The following MAP3K1 variants were observed in gnomAD, a reference collection of about 807,000 sequenced individuals.
MAP3K1 encodes mitogen-activated protein kinase kinase kinase 1.
MAP3K1 carries 36 observed loss-of-function variants against 144.2 expected under a neutral mutation model. That is an observed-to-expected ratio of 0.25 (90% CI 0.19 to 0.33). MAP3K1 has a LOEUF of 0.33. Among genes scored for constraint, MAP3K1 ranks in the 10% least tolerant of loss-of-function variants. MAP3K1 has a pLI of 1.00. For missense variants in MAP3K1, 1,650 were observed against 1,881.9 expected (o/e 0.88, Z 2.28); for synonymous variants, 718 against 688.7 (o/e 1.04, Z -0.67).
intron 1 of MAP3K1, among the ~76,000 whole-genome samples, chr5:56,831,634 T>G (rs569076382): frequency 3.4e-4 from 52 of 152,232 alleles, no homozygotes; most frequent in Non-Finnish European, 7.2e-4. Flanking sequence ...ACATTAAACA[T>G]TAATCCTTTT....
chr5:56,872,126 T>G (rs1437292804), intron 7 of MAP3K1, 95 bp downstream of exon 7: 11 of 1,517,158 alleles, frequency 7.3e-6, no homozygotes, highest in Middle Eastern at 3.4e-4. Flanking sequence ...GAGGGGAAAT[T>G]GGTGAGAGAA....
chr5:56,824,661 ATC>A (rs1746255086), intron 1 of MAP3K1, among the ~76,000 whole-genome samples: 1 of 152,242 alleles, frequency 6.6e-6, no homozygotes, highest in Non-Finnish European at 1.5e-5. Flanking sequence ...GAAAATTACT[ATC>A]CAAGATAGTT....
At chr5:56,818,200 C>T (rs897188110) in intron 1 of MAP3K1, among the ~76,000 whole-genome samples, 2 of 151,524 alleles carry the variant, frequency 1.3e-5, no homozygotes, top group African/African-American at 4.9e-5. Flanking sequence ...TGAATCTGTT[C>T]GTATAAAACT....
chr5:56,849,475 T>C (rs1233297904), intron 1 of MAP3K1, among the ~76,000 whole-genome samples: 1 of 152,218 alleles, frequency 6.6e-6, no homozygotes, highest in East Asian at 1.9e-4. Flanking sequence ...GTGCCGTCTT[T>C]AGTCCTCAGG....
At chr5:56,857,214 A>G (rs10057148) in intron 2 of MAP3K1, among the ~76,000 whole-genome samples, 5,995 of 152,240 alleles carry the variant, frequency 0.039, 417 homozygotes, top group African/African-American at 0.14. Context: ...CGTTTCTCCA[A>G]CTTTGTTACA....
chr5:56,816,000 CCCGGGGAGAAG>C lies in MAP3K1; in HGVS notation c.429_439del (p.Glu145AlafsTer15). The C allele has an allele frequency of 8.1e-7, 1 of 1,230,714 alleles. No individual in the cohort carries two copies. The highest frequency in any genetic ancestry group is 1.0e-6 in the Non-Finnish European group (1 of 988,276). 76.2% of individuals were successfully genotyped at this position (1,230,714 alleles called of 1,614,324 possible). A position where few individuals can be genotyped will look rare whatever the true frequency, so the allele number is the denominator to read the frequency against. ...CGCCTCGAGTCCCGCAGCGGCCGAG[CCCGGGGAGAAG>C]CGGGCGCCCGCCGCCGAGCCGTCTC... On this transcript the variant is annotated frameshift_variant, in exon 1 of 20. Coordinates refer to ENST00000399503, the MANE Select transcript of MAP3K1 (RefSeq NM_005921.2). LOFTEE classifies it high-confidence loss of function.
chr5:56,872,253 A>G (rs542641706), intron 7 of MAP3K1, among the ~76,000 whole-genome samples: 1 of 152,338 alleles, frequency 6.6e-6, no homozygotes, highest in East Asian at 1.9e-4. Context: ...TGTGTGTGAC[A>G]TATGTGATAA....
At chr5:56,840,065 G>T (rs1436431696) in intron 1 of MAP3K1, among the ~76,000 whole-genome samples, 1 of 152,212 alleles carries the variant, frequency 6.6e-6, no homozygotes, top group Non-Finnish European at 1.5e-5. Context: ...GGTAAAGTTG[G>T]TTTTAAAGTC....
At chr5:56,877,461 TCTTATCTCCC>T (rs1422370535) in intron 10 of MAP3K1, among the ~76,000 whole-genome samples, 1 of 151,894 alleles carries the variant, frequency 6.6e-6, no homozygotes, top group Non-Finnish European at 1.5e-5. Context: ...TTTCCCTTTC[TCTTATCTCCC>T]CTTCCTCTGT....
rs1216653052 is a variant in MAP3K1 at position 56,881,222 on chromosome 5, T to C, written c.2319T>C (p.Tyr773=). ...TGTTGGAATTTCCTGCTGAATTTTA[T>C]CCTCATATTGTCAGTACTGATGTTT... ...RLLLEFPAEF[Y]PHIVSTDVSQ... Residue 773 remains tyrosine, a synonymous_variant, in exon 13 of 20, where the codon TAT becomes TAC. Coordinates refer to ENST00000399503, the MANE Select transcript of MAP3K1 (RefSeq NM_005921.2). 59 of 1,613,716 alleles carry C rather than the reference T, an allele frequency of 3.7e-5. No individual in the cohort carries two copies. The highest frequency in any genetic ancestry group is 5.0e-5 in the Non-Finnish European group (59 of 1,179,940).
chr5:56,854,096 C>T (rs1747259683), intron 1 of MAP3K1, among the ~76,000 whole-genome samples: 1 of 151,970 alleles, frequency 6.6e-6, no homozygotes, highest in Non-Finnish European at 1.5e-5. Context: ...TATCAAAAGT[C>T]TTCATTTGTG....
chr5:56,865,784 A>T (rs2111893665), intron 5 of MAP3K1, 45 bp from the exon 6 acceptor site: 2 of 1,600,480 alleles, frequency 1.2e-6, no homozygotes, highest in Middle Eastern at 3.3e-4. Flanking sequence ...TCATATGTAT[A>T]ATTATGGCAC....
chr5:56,834,835 G>A (rs1746597981), intron 1 of MAP3K1, among the ~76,000 whole-genome samples: 1 of 151,968 alleles, frequency 6.6e-6, no homozygotes, highest in African/African-American at 2.4e-5. Context: ...AAATGATTTT[G>A]TTGTGTATAT....
At chr5:56,869,411 G>C (rs1747783272) in intron 6 of MAP3K1, among the ~76,000 whole-genome samples, 1 of 152,088 alleles carries the variant, frequency 6.6e-6, no homozygotes, top group African/African-American at 2.4e-5. Flanking sequence ...CAGCGTGAAG[G>C]CATTTAATAC....
At chr5:56,864,575 A>G (rs1213833071) in intron 3 of MAP3K1, among the ~76,000 whole-genome samples, 159 bp from the exon 4 acceptor site, 1 of 152,084 alleles carries the variant, frequency 6.6e-6, no homozygotes, top group Non-Finnish European at 1.5e-5. Context: ...GGGTTTCACC[A>G]TGTTAACCCG....
intron 18 of MAP3K1, chr5:56,887,920 C>A: frequency 2.2e-6 from 1 of 455,870 alleles, no homozygotes; most frequent in Non-Finnish European, 4.0e-6. Flanking sequence ...TCAGCTTCTT[C>A]TGTCGTGTTC....
Position 56,882,690 on chromosome 5 carries a change from G to T in MAP3K1, c.3490G>T (p.Asp1164Tyr). ...CCTGTCTCCTGAAAAGGCTGAAAAT[G>T]ATGATACCTACAAAGATGATGTGAA... ...AVLSPEKAEN[D>Y]DTYKDDVNHN... Residue 1164 changes from aspartate to tyrosine, a missense_variant, in exon 14 of 20, where the codon GAT (aspartate) becomes TAT (tyrosine). Asp to Tyr is a radical substitution (Grantham distance 160). Coordinates refer to ENST00000399503, the MANE Select transcript of MAP3K1 (RefSeq NM_005921.2). The T allele has an allele frequency of 6.2e-7, 1 of 1,614,074 alleles. No homozygotes were observed. Among genetic ancestry groups the T allele is most frequent in the Non-Finnish European group, 8.5e-7 (1 of 1,180,000 alleles).
intron 1 of MAP3K1, among the ~76,000 whole-genome samples, chr5:56,828,751 T>A (rs1424095981): frequency 6.6e-6 from 1 of 152,212 alleles, no homozygotes; most frequent in Admixed American, 6.5e-5. Context: ...TATTAAAAGC[T>A]ATCTTTTTCT....
rs1748257825 is a variant in MAP3K1, at chr5:56,882,617, T to C, written c.3417T>C (p.Ser1139=). The C allele has an allele frequency of 1.2e-6, 2 of 1,614,012 alleles. No individual in the cohort carries two copies. Among genetic ancestry groups the C allele is most frequent in the East Asian group, 2.2e-5 (1 of 44,884 alleles). The change falls in exon 14 of 20, where the codon TCT becomes TCC. Residue 1139 remains serine, a synonymous_variant. Coordinates refer to ENST00000399503, the MANE Select transcript of MAP3K1 (RefSeq NM_005921.2). ...NSSIEDLLEA[S]MPSSDTTVTF... ...GTATTGAGGACCTTCTTGAAGCATC[T>C]ATGCCTTCAAGTGATACAACAGTAA...
Sources: allele counts gnomAD v4.1 joint callset (sites outside exome capture counted in the v4.1 genomes callset), GRCh38; gene constraint gnomAD v4.1.1; transcripts MANE v1.5; gene names NCBI Gene and HGNC (gene_info 2026-07-23, HGNC 2026-07-21).